The following RABGAP1 variants were observed in gnomAD, a reference collection of about 807,000 sequenced individuals.
The protein encoded by RABGAP1 is rab GTPase-activating protein 1.
RABGAP1 carries 23 observed loss-of-function variants against 137.6 expected under a neutral mutation model. That is an observed-to-expected ratio of 0.17 (90% CI 0.12 to 0.24). The LOEUF (loss-of-function observed/expected upper bound fraction) is 0.24, where lower values mean the gene tolerates loss of function less well. Among genes scored for constraint, RABGAP1 ranks in the 10% least tolerant of loss-of-function variants. The probability of loss-of-function intolerance (pLI) is 1.00; values close to 1 mark genes in which losing one functional copy is unlikely to be tolerated. For missense variants in RABGAP1, 906 were observed against 1,275.8 expected, an observed-to-expected ratio of 0.71 and a Z score of 4.42; for synonymous variants, 451 against 450.7, an observed-to-expected ratio of 1.00 and a Z score of -0.01.
rs533297695 is a variant in RABGAP1, at chr9:123,052,813, G to T, written c.1795-12535G>T. ...AAATTAGCTGGGCATGATGGTGCAC[G>T]CCTGTAATCCCAGCTACTTGGGAGG... On this transcript the variant is annotated intron_variant, in intron 13 of 25. Transcript: ENST00000373647. Among the ~76,000 whole-genome samples, 7 of 152,316 alleles carry T rather than the reference G, an allele frequency of 4.6e-5. No individual in the cohort carries two copies. The South Asian group carries it at 1.4e-3, about 32-fold the overall frequency.
intron 10 of RABGAP1, among the ~76,000 whole-genome samples, chr9:122,999,470 C>T (rs1328333309): frequency 2.0e-5 from 3 of 152,026 alleles, no homozygotes; most frequent in African/African-American, 4.8e-5. Flanking sequence ...GGATTACAGA[C>T]GTGAGCCACC....
chr9:122,995,895 C>T, intron 6 of RABGAP1, 146 bp from the exon 7 acceptor site: 1 of 1,360,600 alleles, frequency 7.3e-7, no homozygotes, highest in Non-Finnish European at 9.6e-7. Flanking sequence ...CATCAAGAGG[C>T]ATAGAATGAT....
intron 2 of RABGAP1, among the ~76,000 whole-genome samples, chr9:122,978,671 A>G (rs777282490): frequency 5.9e-5 from 9 of 152,150 alleles, no homozygotes; most frequent in Non-Finnish European, 1.3e-4. Flanking sequence ...TTGTGTAGAC[A>G]TATGTTTTTA....
At chr9:123,082,159 A>G (rs1482517868) in intron 19 of RABGAP1, among the ~76,000 whole-genome samples, 3 of 149,862 alleles carry the variant, frequency 2.0e-5, no homozygotes, top group Non-Finnish European at 3.0e-5. Context: ...TACTTCTCCT[A>G]TTCTCCCTCT....
At chr9:122,992,639 A>G (rs1836791707) in intron 6 of RABGAP1, among the ~76,000 whole-genome samples, 1 of 149,874 alleles carries the variant, frequency 6.7e-6, no homozygotes, top group Admixed American at 6.7e-5. Context: ...TGTTAACTTA[A>G]ATATATTATT....
chr9:123,015,698 A>T, intron 12 of RABGAP1, 62 bp downstream of exon 12: 1 of 1,162,664 alleles, frequency 8.6e-7, no homozygotes, highest in Non-Finnish European at 1.2e-6. Context: ...AGAGAATCTT[A>T]CCTAACTATA....
At chr9:123,002,004 A>C (rs1214761641) in intron 10 of RABGAP1, among the ~76,000 whole-genome samples, 1 of 152,230 alleles carries the variant, frequency 6.6e-6, no homozygotes, top group Non-Finnish European at 1.5e-5. Flanking sequence ...GAAAGTTTAG[A>C]GATTAAGAGA....
At chr9:122,955,300 A>C (rs1174815581) in intron 1 of RABGAP1, among the ~76,000 whole-genome samples, 1 of 152,110 alleles carries the variant, frequency 6.6e-6, no homozygotes, top group Non-Finnish European at 1.5e-5. Flanking sequence ...TAAACTATAA[A>C]CTTTGGGGCA....
At chr9:122,937,590 C>G (rs903452528), upstream of RABGAP1, 5 of 151,368 alleles carry the variant, frequency 3.3e-5, no homozygotes, top group South Asian at 2.1e-4. Flanking sequence ...GAGTGAGACT[C>G]TATCTCCAAA....
intron 6 of RABGAP1, among the ~76,000 whole-genome samples, chr9:122,992,003 T>A (rs983006182): frequency 4.9e-4 from 74 of 152,154 alleles, no homozygotes; most frequent in African/African-American, 1.7e-3. Flanking sequence ...AAGTAGTTTT[T>A]TACCTTGTTA....
intron 21 of RABGAP1, among the ~76,000 whole-genome samples, chr9:123,095,816 T>C (rs935542199): frequency 3.3e-5 from 5 of 152,236 alleles, no homozygotes; most frequent in Admixed American, 3.3e-4. Flanking sequence ...TGATTTATTC[T>C]TTCACTTATA....
chr9:122,944,079 T>C (rs1358452687), intron 1 of RABGAP1, among the ~76,000 whole-genome samples: 3 of 152,312 alleles, frequency 2.0e-5, no homozygotes, highest in Middle Eastern at 3.4e-3. Context: ...CAGAAAATAG[T>C]TTAAATTGGT....
At position 122,981,462 on chromosome 9, in the gene RABGAP1, G is replaced by C. The variant is rs551013642; in HGVS notation, c.151-3023G>C. 2.6e-5 allele frequency among the ~76,000 whole-genome samples: 4 copies of C among 152,166 alleles called. No individual in the cohort carries two copies. In the South Asian group the frequency reaches 8.3e-4, roughly 32 times the overall value. On this transcript the variant is annotated intron_variant, in intron 2 of 25. Transcript: ENST00000373647. ...CCTAGTAATACTGATAATTTTTTTG[G>C]ATAGTCATGGTCAAAAATCATTAAT...
intron 10 of RABGAP1, among the ~76,000 whole-genome samples, chr9:123,000,299 C>CT (rs1278804601): frequency 1.3e-5 from 2 of 151,774 alleles, no homozygotes; most frequent in Admixed American, 6.6e-5. Context: ...ACTTCATACT[C>CT]TGTCTTTTTT....
chr9:122,982,205 T>G (rs920810154), intron 2 of RABGAP1, among the ~76,000 whole-genome samples: 1 of 152,232 alleles, frequency 6.6e-6, no homozygotes, highest in Non-Finnish European at 1.5e-5. Flanking sequence ...TAAACCACTC[T>G]TACCACTGTT....
At chr9:122,958,500 C>G (rs1479074393) in intron 2 of RABGAP1, among the ~76,000 whole-genome samples, 1 of 151,912 alleles carries the variant, frequency 6.6e-6, no homozygotes, top group African/African-American at 2.4e-5. Context: ...AATGAGAATA[C>G]TTGGACACAG....
At chr9:122,972,045 C>CT in intron 2 of RABGAP1, 1 of 152,264 alleles carries the variant, frequency 6.6e-6, no homozygotes, top group South Asian at 2.1e-4. Context: ...ATGAAGTGGA[C>CT]TTGGTGCCTG....
chr9:122,969,032 C>T (rs549153181), intron 2 of RABGAP1, among the ~76,000 whole-genome samples: 4 of 152,264 alleles, frequency 2.6e-5, no homozygotes, highest in East Asian at 3.9e-4. Context: ...AAGAAATACC[C>T]GTATAGTCAT....
chr9:122,943,072 CTTTTTTTTTTTTTT>C (rs10582436), intron 1 of RABGAP1, among the ~76,000 whole-genome samples: 49,676 of 116,546 alleles, frequency 0.43, 10,865 homozygotes, highest in South Asian at 0.58. Context: ...GGTGCACTTT[CTTTTTTTTTTTTTT>C]TTTTTTTTTT....
Sources: gnomAD v4.1 joint callset for allele counts (sites outside exome capture counted in the v4.1 genomes callset) on GRCh38, gnomAD v4.1.1 for gene constraint, MANE v1.5 for transcripts, NCBI Gene and HGNC (gene_info 2026-07-23, HGNC 2026-07-21) for gene names.